The following SUCO variants were observed in gnomAD, a reference collection of about 807,000 sequenced individuals.
The protein encoded by SUCO is SUN domain-containing ossification factor.
In SUCO, 57 loss-of-function variants were observed where a neutral mutation model predicts 148.1. The observed-to-expected ratio is 0.38, with a 90% CI of 0.31 to 0.48. SUCO has a LOEUF of 0.48. Ranked by LOEUF, SUCO falls within the 20% of genes least tolerant of loss-of-function variation. The pLI is 0.96. For synonymous variants in SUCO, 470 were observed against 502.7 expected (o/e 0.93, Z 0.87); for missense variants, 1,331 against 1,468.2 (o/e 0.91, Z 1.53).
At chr1:172,555,168 A>T (rs573817170) in intron 3 of SUCO, among the ~76,000 whole-genome samples, 15 of 152,352 alleles carry the variant, frequency 9.8e-5, no homozygotes, top group Admixed American at 2.6e-4. Context: ...TACTGAGGAC[A>T]TTTATGGTAT....
chr1:172,547,812 G>C (rs572565900), intron 1 of SUCO, among the ~76,000 whole-genome samples: 4 of 152,136 alleles, frequency 2.6e-5, no homozygotes, highest in Admixed American at 6.5e-5. Flanking sequence ...ATTTACTGAA[G>C]TTGATACCTG....
At position 172,585,022 on chromosome 1, in the gene SUCO, C is replaced by A; in HGVS notation, c.1503C>A (p.Ala501=). 1 of 1,593,180 alleles carries A rather than the reference C, an allele frequency of 6.3e-7. No homozygotes were observed. The highest frequency in any genetic ancestry group is 2.3e-5 in the East Asian group (1 of 43,980). ...TCTGATTGAATTTTGTTTTAGATGC[C>A]ATTCTAAATATGGTGAATATTGCTG... ...SKNLLGSATN[A]ILNMVNIAAN... is the part of the protein sequence containing the mutation. Residue 501 remains alanine, a synonymous_variant, in exon 16 of 24, where the codon GCC becomes GCA. Coordinates refer to ENST00000263688, the MANE Select transcript of SUCO (RefSeq NM_014283.5).
At chr1:172,553,146 T>G in intron 2 of SUCO, 114 bp from the exon 3 acceptor site, 1 of 1,169,098 alleles carries the variant, frequency 8.6e-7, no homozygotes, top group Non-Finnish European at 1.1e-6. Context: ...TAGAGTCAAA[T>G]AAACAAGGCA....
At position 172,589,319 on chromosome 1, in the gene SUCO, G is replaced by A; in HGVS notation, c.2218G>A (p.Glu740Lys). 1 of 1,613,348 alleles carries A rather than the reference G, an allele frequency of 6.2e-7. No homozygotes were observed. Among genetic ancestry groups the A allele is most frequent in the Non-Finnish European group, 8.5e-7 (1 of 1,179,732 alleles). ...SQSLLLDITP[E>K]INPLPKIEVS... ...GTCTCTTCTTTTAGATATTACCCCA[G>A]AAATCAATCCCTTGCCTAAAATAGA... The change falls in exon 18 of 24, where the codon GAA becomes AAA. Residue 740 changes from glutamate (E) to lysine (K), a missense_variant. Glu to Lys is a moderately conservative substitution (Grantham distance 56). Around this residue, in one of 3 missense-constraint regions of SUCO, gnomAD observed 992 missense variants for 1,093.5 expected, o/e 0.91. Transcript: ENST00000263688.
intron 2 of SUCO, among the ~76,000 whole-genome samples, chr1:172,553,009 T>C (rs1259974918): frequency 6.6e-6 from 1 of 152,066 alleles, no homozygotes; most frequent in Non-Finnish European, 1.5e-5. Context: ...TGCTGGATGG[T>C]AAGACTAAAA....
intron 19 of SUCO, among the ~76,000 whole-genome samples, chr1:172,598,368 C>G (rs2149267830): frequency 6.6e-6 from 1 of 152,248 alleles, no homozygotes; most frequent in South Asian, 2.1e-4. Flanking sequence ...CATTTTTAGT[C>G]AGCTAATGTT....
intron 19 of SUCO, among the ~76,000 whole-genome samples, chr1:172,598,979 T>G (rs952224380): frequency 2.0e-5 from 3 of 152,198 alleles, no homozygotes; most frequent in Non-Finnish European, 4.4e-5. Flanking sequence ...TTAAAAAAGT[T>G]TTTGAATCAA....
intron 8 of SUCO, 172 bp from the exon 9 acceptor site, chr1:172,570,491 G>A (rs896114913): frequency 1.7e-5 from 10 of 577,286 alleles, no homozygotes; most frequent in Admixed American, 3.4e-5. Context: ...TGCTGTTGCC[G>A]TGAATGGTGA....
chr1:172,587,846 T>C (rs1656348138), intron 17 of SUCO, among the ~76,000 whole-genome samples: 1 of 152,116 alleles, frequency 6.6e-6, no homozygotes, highest in Admixed American at 6.5e-5. Flanking sequence ...ATTGGACTTT[T>C]TATGTATAAG....
intron 19 of SUCO, among the ~76,000 whole-genome samples, chr1:172,593,225 G>T (rs1656806784): frequency 6.6e-6 from 1 of 152,204 alleles, no homozygotes; most frequent in Non-Finnish European, 1.5e-5. Flanking sequence ...TGCAAACAGG[G>T]ACAATTTGAC....
At chr1:172,601,368 G>C (rs1167266196) in intron 20 of SUCO, among the ~76,000 whole-genome samples, 2 of 152,074 alleles carry the variant, frequency 1.3e-5, no homozygotes, top group African/African-American at 4.8e-5. Flanking sequence ...GCATGTGCCT[G>C]TAATCCCAGC....
intron 12 of SUCO, 63 bp downstream of exon 12, chr1:172,577,622 A>C (rs1179764197): frequency 6.3e-7 from 1 of 1,594,574 alleles, no homozygotes; most frequent in Non-Finnish European, 8.5e-7. Context: ...GCATTACAAA[A>C]ACTTTACAAG....
intron 19 of SUCO, among the ~76,000 whole-genome samples, chr1:172,598,858 A>G (rs1180153445): frequency 1.3e-5 from 2 of 152,202 alleles, no homozygotes; most frequent in African/African-American, 2.4e-5. Context: ...GCATTTTGGA[A>G]AGATGAAGTA....
chr1:172,582,105 T>C (rs1365440868), intron 15 of SUCO, among the ~76,000 whole-genome samples: 2 of 152,196 alleles, frequency 1.3e-5, no homozygotes, highest in African/African-American at 4.8e-5. Flanking sequence ...TACTTTGATA[T>C]TGGCGCAGGT....
intron 6 of SUCO, among the ~76,000 whole-genome samples, chr1:172,567,087 T>C (rs1654605645): frequency 6.6e-6 from 1 of 152,250 alleles, no homozygotes; most frequent in South Asian, 2.1e-4. Flanking sequence ...ACCAAATTGC[T>C]GTCTTCCTAA....
At chr1:172,608,049 G>C (rs1369023812) in intron 22 of SUCO, 1 of 982,402 alleles carries the variant, frequency 1.0e-6, no homozygotes, top group Non-Finnish European at 1.2e-6. Flanking sequence ...TTGTCAGTGT[G>C]GGGGTGGGGT....
chr1:172,597,722 G>A (rs1657228640), intron 19 of SUCO, among the ~76,000 whole-genome samples: 1 of 151,916 alleles, frequency 6.6e-6, no homozygotes, highest in Admixed American at 6.6e-5. Context: ...CCTCTAGTGT[G>A]ATATGTGTGT....
rs1263002849 is a variant in SUCO, at chr1:172,589,681, T to G, written c.2580T>G (p.Ser860=). 6.2e-7 allele frequency: 1 copy of G among 1,613,770 alleles called. No individual in the cohort carries two copies. Among genetic ancestry groups the G allele is most frequent in the Non-Finnish European group, 8.5e-7 (1 of 1,179,870 alleles). Residue 860 remains serine (S), a synonymous_variant, in exon 18 of 24, where the codon TCT becomes TCG. Transcript: ENST00000263688. ...CTTTGATTTCTGTTGTGGATTCTTC[T>G]TCATTACCTGAAGTAAAAGAAGAAG... ...KQTLISVVDS[S]SLPEVKEEEQ... is the part of the protein sequence containing the mutation.
chr1:172,567,190 C>T (rs1408945852), intron 6 of SUCO, among the ~76,000 whole-genome samples: 1 of 152,200 alleles, frequency 6.6e-6, no homozygotes, highest in Non-Finnish European at 1.5e-5. Context: ...CAAAAGCATG[C>T]TCTTATGTAG....
Sources: allele counts gnomAD v4.1 joint callset (sites outside exome capture counted in the v4.1 genomes callset), GRCh38; gene constraint gnomAD v4.1.1; regional missense constraint gnomAD v4.1.1; transcripts MANE v1.5; gene names NCBI Gene and HGNC (gene_info 2026-07-23, HGNC 2026-07-21).